Variants in TRAPPC8 observed in about 807,000 individuals in gnomAD.
TRAPPC8 encodes the protein trafficking protein particle complex subunit 8.
In TRAPPC8, 54 loss-of-function variants were observed where a neutral mutation model predicts 174.3. The ratio of observed to expected loss-of-function variants is 0.31; its 90% CI spans 0.25 to 0.39. The LOEUF (loss-of-function observed/expected upper bound fraction) is 0.39. TRAPPC8 is among the 10% of genes least tolerant of loss of function. TRAPPC8 has a pLI of 1.00. For synonymous variants in TRAPPC8, 630 were observed against 579.9 expected (o/e 1.09, Z -1.24); for missense variants, 1,531 against 1,699.1 (o/e 0.90, Z 1.74).
chr18:31,888,870 C>A (rs1165346352), intron 12 of TRAPPC8, among the ~76,000 whole-genome samples: 1 of 152,148 alleles, frequency 6.6e-6, no homozygotes, highest in African/African-American at 2.4e-5. Context: ...CACACGTTTA[C>A]CTATGTAACA....
intron 24 of TRAPPC8, among the ~76,000 whole-genome samples, chr18:31,851,673 T>C (rs991037822): frequency 1.3e-5 from 2 of 152,036 alleles, no homozygotes; most frequent in African/African-American, 2.4e-5. Context: ...GTAACTCTTA[T>C]ACATAATTAG....
chr18:31,902,903 G>T (rs1480888152), intron 9 of TRAPPC8, among the ~76,000 whole-genome samples: 1 of 152,088 alleles, frequency 6.6e-6, no homozygotes, highest in African/African-American at 2.4e-5. Flanking sequence ...CAAAAAATTA[G>T]CTGGGCAAGG....
intron 1 of TRAPPC8, among the ~76,000 whole-genome samples, chr18:31,934,689 G>A (rs1157136182): frequency 2.0e-5 from 3 of 151,996 alleles, no homozygotes; most frequent in Admixed American, 6.6e-5. Context: ...CCAACGTGGT[G>A]AAACCCCGTC....
At chr18:31,884,123 A>G (rs2145304505) in intron 12 of TRAPPC8, among the ~76,000 whole-genome samples, 1 of 152,324 alleles carries the variant, frequency 6.6e-6, no homozygotes, top group African/African-American at 2.4e-5. Context: ...TGGGAGGCAG[A>G]GGTTGCAATG....
intron 19 of TRAPPC8, 30 bp from the exon 20 acceptor site, chr18:31,858,012 T>C: frequency 1.3e-6 from 2 of 1,535,414 alleles, no homozygotes; most frequent in Non-Finnish European, 1.7e-6. Flanking sequence ...TATTATTATT[T>C]GTCTGTTAAA....
At chr18:31,860,595 C>T (rs1407446850) in intron 19 of TRAPPC8, among the ~76,000 whole-genome samples, 1 of 152,138 alleles carries the variant, frequency 6.6e-6, no homozygotes, top group Non-Finnish European at 1.5e-5. Context: ...CCTTAAACAT[C>T]TCAAATTCCA....
chr18:31,862,781 T>G (rs779820112), intron 19 of TRAPPC8, among the ~76,000 whole-genome samples: 8 of 151,900 alleles, frequency 5.3e-5, no homozygotes, highest in Non-Finnish European at 7.4e-5. Context: ...AGAAAGGAAA[T>G]AACATCCAAT....
At chr18:31,834,487 A>T (rs1233994803) in intron 27 of TRAPPC8, among the ~76,000 whole-genome samples, 2 of 152,200 alleles carry the variant, frequency 1.3e-5, no homozygotes, top group African/African-American at 4.8e-5. Context: ...AACAGGGCTG[A>T]GAAATCAAAG....
intron 10 of TRAPPC8, 66 bp downstream of exon 10, chr18:31,900,859 A>G (rs1341302440): frequency 3.1e-5 from 25 of 818,650 alleles, no homozygotes; most frequent in African/African-American, 9.1e-5. Flanking sequence ...GGAATGGGGA[A>G]AAAAAAAAAA....
chr18:31,851,217 T>C (rs562015727), intron 24 of TRAPPC8, among the ~76,000 whole-genome samples: 1 of 152,270 alleles, frequency 6.6e-6, no homozygotes, highest in Admixed American at 6.5e-5. Context: ...TCAAAGCAGG[T>C]CACTACTTCA....
chr18:31,834,677 T>C (rs1281069850), intron 27 of TRAPPC8, among the ~76,000 whole-genome samples: 4 of 152,232 alleles, frequency 2.6e-5, no homozygotes, highest in Non-Finnish European at 2.9e-5. Flanking sequence ...GACTAGCACA[T>C]GTTCAAAAGC....
intron 19 of TRAPPC8, among the ~76,000 whole-genome samples, chr18:31,863,817 T>G (rs1413402708): frequency 6.6e-6 from 1 of 151,990 alleles, no homozygotes; most frequent in African/African-American, 2.4e-5. Context: ...ACCACATCTT[T>G]CTTCTAGAAA....
chr18:31,839,537 A>G (rs2032972817), intron 26 of TRAPPC8, 80 bp from the exon 27 acceptor site: 6 of 1,323,900 alleles, frequency 4.5e-6, no homozygotes, highest in Admixed American at 2.8e-5. Context: ...GTATATATAC[A>G]AAAGTTAAAA....
intron 28 of TRAPPC8, among the ~76,000 whole-genome samples, 181 bp downstream of exon 28, chr18:31,831,903 G>GA (rs566018368): frequency 6.2e-4 from 94 of 150,578 alleles, no homozygotes; most frequent in East Asian, 2.5e-3. Flanking sequence ...TTATAATCAA[G>GA]AAAAAAAAAT....
At chr18:31,867,599 C>CGGCG in intron 16 of TRAPPC8, 123 bp from the exon 17 acceptor site, 1 of 665,560 alleles carries the variant, frequency 1.5e-6, no homozygotes, top group Non-Finnish European at 2.5e-6. Flanking sequence ...TTGGTTTTTA[C>CGGCG]CACATGCTGA....
intron 5 of TRAPPC8, among the ~76,000 whole-genome samples, chr18:31,912,424 G>C (rs1370472199): frequency 6.6e-6 from 1 of 152,076 alleles, no homozygotes. Flanking sequence ...ATGGGAAGTG[G>C]AGGGTTGCAG....
chr18:31,925,570 C>T lies in TRAPPC8; in HGVS notation c.352+5759G>A, dbSNP rs145285468. Among the ~76,000 whole-genome samples, 10 of 152,126 alleles carry T rather than the reference C, an allele frequency of 6.6e-5. No homozygotes were observed. In the South Asian group the frequency reaches 1.7e-3, roughly 25 times the overall value. On this transcript the variant is annotated intron_variant, in intron 2 of 28. Transcript: ENST00000283351. ...GTAGTTTCAGAAAGAACAGAGAGAA[C>T]AATAAGGGAGAAATTAACAAAGAAA...
chr18:31,837,567 T>C (rs1477929106), intron 27 of TRAPPC8, among the ~76,000 whole-genome samples: 1 of 151,912 alleles, frequency 6.6e-6, no homozygotes, highest in African/African-American at 2.4e-5. Context: ...TGGTGTACAG[T>C]GCATGCCTGT....
Position 31,935,548 on chromosome 18 carries a change from T to TAAAAAAAAA in TRAPPC8, c.158-4034_158-4026dup, listed in dbSNP as rs10650702. 3.0e-3 allele frequency among the ~76,000 whole-genome samples: 137 copies of TAAAAAAAAA among 46,260 alleles called. 10 individuals are homozygous for TAAAAAAAAA. The highest frequency in any genetic ancestry group is 9.2e-3 in the African/African-American group (83 of 9,030). 30.3% of individuals were successfully genotyped at this position (46,260 alleles called of 152,430 possible). ...GGGCAACAAGAGCGAAACTCCATCTTAAAAAAAAAAAAAAAAAAAAGCAGG... is the reference window on the plus strand; with the variant it reads ...GGGCAACAAGAGCGAAACTCCATCTTAAAAAAAAAAAAAAAAAAAAAAAAAAAAAGCAGG... On this transcript the variant is annotated intron_variant, in intron 1 of 28. Coordinates refer to ENST00000283351, the MANE Select transcript of TRAPPC8 (RefSeq NM_014939.5).
Sources: gnomAD v4.1 joint callset for allele counts (sites outside exome capture counted in the v4.1 genomes callset) on GRCh38, gnomAD v4.1.1 for gene constraint, MANE v1.5 for transcripts, NCBI Gene and HGNC (gene_info 2026-07-23, HGNC 2026-07-21) for gene names.